The following PRKCE variants were observed in gnomAD, a reference collection of about 807,000 sequenced individuals.
The protein encoded by PRKCE is protein kinase C epsilon type.
A neutral mutation model predicts 85.4 loss-of-function variants in PRKCE; 16 were observed. The observed-to-expected ratio is 0.19, with a 90% CI of 0.13 to 0.28. The LOEUF is 0.28. Among genes scored for constraint, PRKCE ranks in the 10% least tolerant of loss-of-function variants. The pLI is 1.00. For missense variants in PRKCE, 573 were observed against 975.2 expected (o/e 0.59, Z 5.49); for synonymous variants, 388 against 371.5 (o/e 1.04, Z -0.51).
chr2:45,824,050 T>G (rs978853581), intron 1 of PRKCE, among the ~76,000 whole-genome samples: 1 of 152,202 alleles, frequency 6.6e-6, no homozygotes, highest in African/African-American at 2.4e-5. Flanking sequence ...CTGCTGCAGT[T>G]CCATCCTGTG....
At chr2:46,134,840 G>C (rs539565285) in intron 11 of PRKCE, among the ~76,000 whole-genome samples, 38 of 152,214 alleles carry the variant, frequency 2.5e-4, no homozygotes, top group Non-Finnish European at 4.0e-4. Context: ...CGTCAGGCTA[G>C]CTCACCCACA....
intron 1 of PRKCE, among the ~76,000 whole-genome samples, chr2:45,799,638 C>T (rs894837447): frequency 1.3e-5 from 2 of 152,144 alleles, no homozygotes; most frequent in Non-Finnish European, 2.9e-5. Flanking sequence ...TCCAAATATT[C>T]AAAATTAAAA....
intron 1 of PRKCE, among the ~76,000 whole-genome samples, chr2:45,686,824 C>G (rs1312144213): frequency 6.6e-6 from 1 of 151,968 alleles, no homozygotes; most frequent in South Asian, 2.1e-4. Flanking sequence ...GAGCTAGACA[C>G]CAATATAGAA....
chr2:45,757,493 T>C (rs112232090), intron 1 of PRKCE, among the ~76,000 whole-genome samples: 9,085 of 151,766 alleles, frequency 0.06, 905 homozygotes, highest in African/African-American at 0.21. Flanking sequence ...ATAGTGAGAC[T>C]GTGTCTCTAC....
intron 10 of PRKCE, among the ~76,000 whole-genome samples, chr2:46,020,919 C>T (rs1194398631): frequency 6.6e-6 from 1 of 152,148 alleles, no homozygotes; most frequent in Non-Finnish European, 1.5e-5. Flanking sequence ...TCAATCTTAC[C>T]CAAGTCCCAT....
intron 11 of PRKCE, among the ~76,000 whole-genome samples, chr2:46,099,338 T>G (rs1574468775): frequency 6.6e-6 from 1 of 152,222 alleles, no homozygotes; most frequent in East Asian, 1.9e-4. Flanking sequence ...AGTCACTACT[T>G]GAGCCTAACA....
intron 2 of PRKCE, among the ~76,000 whole-genome samples, chr2:45,923,291 A>G (rs1459123608): frequency 1.3e-5 from 2 of 152,212 alleles, no homozygotes; most frequent in Non-Finnish European, 2.9e-5. Flanking sequence ...GAGTTTTGAC[A>G]GCTTTCAGAT....
chr2:46,151,083 G>T lies in PRKCE; in HGVS notation c.1774G>T (p.Ala592Ser). The change falls in exon 13 of 15, where the codon GCC becomes TCC. Residue 592 changes from alanine (A) to serine (S), a missense_variant. Physicochemically the swap from Ala to Ser is moderately conservative, Grantham distance 99 (BLOSUM62 1). Around this residue, in one of 11 missense-constraint regions of PRKCE, gnomAD observed 72 missense variants for 166.0 expected, o/e 0.43. Transcript: ENST00000306156. ...LEYGPSVDWW[A>S]LGVLMYEMMA... Reference sequence around the variant, plus strand: ...GTATGGCCCCTCCGTGGACTGGTGGGCCCTGGGGGTGCTGATGTACGAGAT... The same window carrying T: ...GTATGGCCCCTCCGTGGACTGGTGGTCCCTGGGGGTGCTGATGTACGAGAT... The T allele has an allele frequency of 6.3e-7, 1 of 1,599,552 alleles. No homozygotes were observed.
chr2:45,983,283 G>T (rs568038454), intron 5 of PRKCE, among the ~76,000 whole-genome samples: 6 of 152,240 alleles, frequency 3.9e-5, no homozygotes, highest in Admixed American at 1.3e-4. Context: ...CCCCTCATTA[G>T]TCCCCCACGG....
chr2:46,153,146 C>T (rs1006305004), intron 13 of PRKCE, among the ~76,000 whole-genome samples: 1 of 152,048 alleles, frequency 6.6e-6, no homozygotes, highest in Non-Finnish European at 1.5e-5. Flanking sequence ...TGGTCTCTGC[C>T]TTGTGAAGTT....
intron 2 of PRKCE, among the ~76,000 whole-genome samples, chr2:45,858,757 C>T (rs1487314294): frequency 6.6e-6 from 1 of 152,084 alleles, no homozygotes; most frequent in East Asian, 1.9e-4. Flanking sequence ...TAAATAGTAT[C>T]AGGCCGGGTG....
chr2:46,153,268 C>A (rs1558508302), intron 13 of PRKCE, among the ~76,000 whole-genome samples: 1 of 152,144 alleles, frequency 6.6e-6, no homozygotes, highest in Admixed American at 6.5e-5. Context: ...TTCATTCATG[C>A]ATTCATTTAT....
At chr2:46,095,545 C>A (rs1302662184) in intron 11 of PRKCE, among the ~76,000 whole-genome samples, 1 of 152,214 alleles carries the variant, frequency 6.6e-6, no homozygotes, top group Admixed American at 6.5e-5. Context: ...CGCTCCACAT[C>A]ACCCTCATCT....
At chr2:45,976,897 G>C (rs918168283) in intron 3 of PRKCE, among the ~76,000 whole-genome samples, 2 of 149,060 alleles carry the variant, frequency 1.3e-5, no homozygotes, top group Non-Finnish European at 3.0e-5. Context: ...GTGTGTGTGT[G>C]TGTGTGTGTC....
At chr2:45,967,392 C>T (rs1318145676) in intron 2 of PRKCE, among the ~76,000 whole-genome samples, 1 of 152,158 alleles carries the variant, frequency 6.6e-6, no homozygotes, top group Admixed American at 6.5e-5. Flanking sequence ...GGAGTGTCCC[C>T]TGGGGTGAAG....
intron 2 of PRKCE, among the ~76,000 whole-genome samples, chr2:45,888,981 G>T (rs1399449184): frequency 1.3e-5 from 2 of 152,110 alleles, no homozygotes; most frequent in Non-Finnish European, 2.9e-5. Context: ...CAGATGGCCT[G>T]AGACTTATCC....
At chr2:45,812,229 GT>G (rs1688704528) in intron 1 of PRKCE, among the ~76,000 whole-genome samples, 1 of 152,242 alleles carries the variant, frequency 6.6e-6, no homozygotes, top group African/African-American at 2.4e-5. Context: ...GAGGTAATTT[GT>G]CAGCACTTGT....
chr2:45,780,259 A>G (rs567529525), intron 1 of PRKCE, among the ~76,000 whole-genome samples: 26 of 152,192 alleles, frequency 1.7e-4, no homozygotes, highest in Non-Finnish European at 3.2e-4. Context: ...TTTATGTCTC[A>G]TTCCATTCAT....
At chr2:45,891,421 T>C (rs916190618) in intron 2 of PRKCE, among the ~76,000 whole-genome samples, 8 of 152,232 alleles carry the variant, frequency 5.3e-5, no homozygotes, top group African/African-American at 1.9e-4. Flanking sequence ...GCCCAAGTTG[T>C]ACCACAAAAG....
Sources: allele counts gnomAD v4.1 joint callset (sites outside exome capture counted in the v4.1 genomes callset), GRCh38; gene constraint gnomAD v4.1.1; regional missense constraint gnomAD v4.1.1; transcripts MANE v1.5; gene names NCBI Gene and HGNC (gene_info 2026-07-23, HGNC 2026-07-21).